Variants in PTK2B observed in about 807,000 individuals in gnomAD.
PTK2B encodes the protein protein tyrosine kinase 2 beta.
Under a neutral mutation model 142.9 loss-of-function variants are expected in PTK2B, and 71 were observed. That is an observed-to-expected ratio of 0.50 (90% CI 0.41 to 0.61). The LOEUF is 0.61. PTK2B is among the 20% of genes least tolerant of loss of function. The pLI, the probability that PTK2B is intolerant of heterozygous loss-of-function variation, is 0.00. For synonymous variants in PTK2B, 519 were observed against 503.4 expected (o/e 1.03, Z -0.42); for missense variants, 1,105 against 1,320.4 (o/e 0.84, Z 2.53).
chr8:27,453,393 C>T (rs1217169142), intron 28 of PTK2B, among the ~76,000 whole-genome samples: 1 of 152,204 alleles, frequency 6.6e-6, no homozygotes, highest in Admixed American at 6.5e-5. Context: ...ATCCCCCTCC[C>T]AGACTTGGAG....
chr8:27,387,381 G>A (rs1280379751), intron 1 of PTK2B, among the ~76,000 whole-genome samples: 1 of 152,210 alleles, frequency 6.6e-6, no homozygotes, highest in Non-Finnish European at 1.5e-5. Flanking sequence ...ATATGCAAAT[G>A]TGAAGCTCCT....
At chr8:27,425,206 GT>G (rs1810008399) in intron 5 of PTK2B, among the ~76,000 whole-genome samples, 1 of 150,988 alleles carries the variant, frequency 6.6e-6, no homozygotes, top group Admixed American at 6.6e-5. Context: ...TAATATGTAT[GT>G]TATGTTACTA....
At chr8:27,428,632 G>A (rs1379496675) in intron 5 of PTK2B, among the ~76,000 whole-genome samples, 2 of 152,130 alleles carry the variant, frequency 1.3e-5, no homozygotes, top group Non-Finnish European at 2.9e-5. Context: ...CCTGTGCATT[G>A]AAGGATGTTT....
intron 2 of PTK2B, among the ~76,000 whole-genome samples, chr8:27,407,013 C>T (rs1299149207): frequency 6.6e-6 from 1 of 152,168 alleles, no homozygotes; most frequent in Non-Finnish European, 1.5e-5. Flanking sequence ...TTCTTCATCC[C>T]TCCTCAATCT....
intron 1 of PTK2B, among the ~76,000 whole-genome samples, chr8:27,360,910 A>C (rs1456451038): frequency 1.3e-5 from 2 of 152,136 alleles, no homozygotes; most frequent in Non-Finnish European, 2.9e-5. Context: ...GGTCTTTCGA[A>C]ATGGTCAGTG....
chr8:27,358,814 C>T (rs1308443256), intron 1 of PTK2B, among the ~76,000 whole-genome samples: 1 of 151,858 alleles, frequency 6.6e-6, no homozygotes, highest in Admixed American at 6.6e-5. Context: ...TATTAGGTTT[C>T]TATTATTTTA....
At chr8:27,334,305 A>G (rs1803929259) in intron 1 of PTK2B, among the ~76,000 whole-genome samples, 1 of 151,960 alleles carries the variant, frequency 6.6e-6, no homozygotes, top group Non-Finnish European at 1.5e-5. Flanking sequence ...CCATAATCCA[A>G]CCTTGATCTG....
At chr8:27,346,524 C>G (rs1306576450) in intron 1 of PTK2B, among the ~76,000 whole-genome samples, 32 of 152,284 alleles carry the variant, frequency 2.1e-4, no homozygotes. Context: ...CCAGCCTGGG[C>G]AACAGAGCCA....
intron 2 of PTK2B, among the ~76,000 whole-genome samples, chr8:27,418,803 A>G (rs557548491): frequency 9.3e-4 from 141 of 152,238 alleles, no homozygotes; most frequent in African/African-American, 3.2e-3. Context: ...CGAGGCAGGC[A>G]GATCACTTGA....
rs899301505 is a variant in PTK2B at position 27,318,301 on chromosome 8, A to G, written c.-413-4101A>G. On this transcript the variant is annotated intron_variant, in intron 3 of 35. Transcript: ENST00000397501. ...CACGGTGGGCTGGGACCAGATCACC[A>G]CGTTTGTTAAAATTATGGAATTCGA... Among the ~76,000 whole-genome samples, 12 of 152,248 alleles carry G rather than the reference A, an allele frequency of 7.9e-5. No homozygotes were observed. In the South Asian group the frequency reaches 1.9e-3, roughly 24 times the overall value.
chr8:27,319,881 T>C (rs1448026548), intron 3 of PTK2B, among the ~76,000 whole-genome samples: 3 of 152,148 alleles, frequency 2.0e-5, no homozygotes, highest in East Asian at 3.9e-4. Context: ...AGAAAAACGC[T>C]GCATATTTCT....
In PTK2B at chr8:27,431,085, G is replaced by T. The variant is rs992516731; in HGVS notation, c.810+69G>T. 3.8e-6 allele frequency: 6 copies of T among 1,566,328 alleles called. No homozygotes were observed. In the African/African-American group the frequency reaches 8.1e-5, roughly 21 times the overall value. On this transcript the variant is annotated intron_variant, in intron 8 of 30. Coordinates refer to ENST00000346049, the MANE Select transcript of PTK2B (RefSeq NM_173176.3). ...GGCCTCTCGGAAAAGGGGGCCAGGA[G>T]GGGGCAGGGAGAGGCTGCAATCGCT...
At chr8:27,317,500 A>G (rs1803119765) in intron 3 of PTK2B, among the ~76,000 whole-genome samples, 1 of 152,172 alleles carries the variant, frequency 6.6e-6, no homozygotes. Flanking sequence ...ATCATGCAGG[A>G]CTTTTGCCTC....
Position 27,437,839 on chromosome 8 carries a change from C to G in PTK2B, c.1602C>G (p.Cys534Trp), listed in dbSNP as rs1441264816. Reference protein sequence around the residue: ...LTLVLYSLQICKAMAYLESIN... With the variant: ...LTLVLYSLQIWKAMAYLESIN... The stretch of plus-strand genomic sequence containing the variant: ...TCGTGCTGTACTCACTGCAGATATG[C>G]AAAGCCATGGCCTACCTGGAGAGCA... Residue 534 changes from cysteine (C) to tryptophan (W), a missense_variant, in exon 18 of 31, where the codon TGC (cysteine) becomes TGG (tryptophan). Cys to Trp is a radical substitution (Grantham distance 215). Coordinates refer to ENST00000346049, the MANE Select transcript of PTK2B (RefSeq NM_173176.3). 1 of 1,613,408 alleles carries G rather than the reference C, an allele frequency of 6.2e-7. No individual in the cohort carries two copies. Among genetic ancestry groups the G allele is most frequent in the African/African-American group, 1.3e-5 (1 of 74,912 alleles).
chr8:27,454,893 C>G (rs747221726), intron 30 of PTK2B, among the ~76,000 whole-genome samples: 14 of 152,184 alleles, frequency 9.2e-5, no homozygotes, highest in Admixed American at 3.9e-4. Flanking sequence ...TCCTTTCCCC[C>G]CTCCTATTAT....
intron 1 of PTK2B, among the ~76,000 whole-genome samples, chr8:27,342,395 T>C (rs1804458132): frequency 6.6e-6 from 1 of 151,912 alleles, no homozygotes; most frequent in African/African-American, 2.4e-5. Context: ...CAAATGATCC[T>C]CTCACCTCAG....
upstream of PTK2B, chr8:27,310,810 G>A (rs762859668): frequency 4.4e-6 from 7 of 1,594,162 alleles, no homozygotes; most frequent in Non-Finnish European, 5.1e-6. Flanking sequence ...CCCGAAAGTC[G>A]TGGGCAGTGT....
At chr8:27,347,860 C>T (rs1341864251) in intron 1 of PTK2B, among the ~76,000 whole-genome samples, 1 of 152,212 alleles carries the variant, frequency 6.6e-6, no homozygotes, top group African/African-American at 2.4e-5. Flanking sequence ...GCATTTGACC[C>T]CACTACCTCT....
At chr8:27,376,081 G>T (rs554675733) in intron 1 of PTK2B, among the ~76,000 whole-genome samples, 1 of 152,334 alleles carries the variant, frequency 6.6e-6, no homozygotes, top group South Asian at 2.1e-4. Flanking sequence ...TCAGACAGGA[G>T]CCCCAGGTGT....
Sources: allele counts gnomAD v4.1 joint callset (sites outside exome capture counted in the v4.1 genomes callset), GRCh38; gene constraint gnomAD v4.1.1; transcripts MANE v1.5; gene names NCBI Gene and HGNC (gene_info 2026-07-23, HGNC 2026-07-21).